The following RIPOR2 variants were observed in gnomAD, a reference collection of about 807,000 sequenced individuals.
The protein encoded by RIPOR2 is RHO family interacting cell polarization regulator 2.
RIPOR2 carries 39 observed loss-of-function variants against 114.5 expected under a neutral mutation model. The ratio of observed to expected loss-of-function variants is 0.34; its 90% CI spans 0.26 to 0.44. RIPOR2 has a LOEUF of 0.44. Among genes scored for constraint, RIPOR2 ranks in the 20% least tolerant of loss-of-function variants. The pLI is 1.00. For synonymous variants in RIPOR2, 445 were observed against 484.4 expected (o/e 0.92, Z 1.07); for missense variants, 1,007 against 1,255.1 (o/e 0.80, Z 2.99).
chr6:24,808,315 T>C (rs759058687), intron 21 of RIPOR2, among the ~76,000 whole-genome samples: 3 of 152,246 alleles, frequency 2.0e-5, no homozygotes, highest in Non-Finnish European at 4.4e-5. Flanking sequence ...GGCTATGCTT[T>C]ATAAGCGCCT....
At chr6:24,821,806 C>A (rs1759725514) in intron 19 of RIPOR2, among the ~76,000 whole-genome samples, 1 of 152,194 alleles carries the variant, frequency 6.6e-6, no homozygotes, top group Non-Finnish European at 1.5e-5. Context: ...CCAAAGCTAC[C>A]ATTTCCAGAG....
At chr6:24,846,217 T>C (rs1355460009) in intron 12 of RIPOR2, among the ~76,000 whole-genome samples, 3 of 152,112 alleles carry the variant, frequency 2.0e-5, no homozygotes, top group Non-Finnish European at 4.4e-5. Context: ...TTTTGGTTCA[T>C]GTTTTCATGT....
At chr6:24,872,789 T>C in intron 4 of RIPOR2, 92 bp downstream of exon 4, 1 of 828,460 alleles carries the variant, frequency 1.2e-6, no homozygotes, top group Admixed American at 1.9e-5. Flanking sequence ...GATCTGCTTT[T>C]CTCAAACATT....
At chr6:24,828,335 T>C in intron 17 of RIPOR2, 40 bp from the exon 18 acceptor site, 2 of 1,264,888 alleles carry the variant, frequency 1.6e-6, no homozygotes, top group Middle Eastern at 1.9e-4. Context: ...TTTAGATAGA[T>C]GACCATTCAT....
At position 24,921,660 on chromosome 6, in the gene RIPOR2, G is replaced by A. The variant is rs6932439; in HGVS notation, c.61+14178C>T. ...TCCCATAACACTTATCGCCCCCCCC[G>A]ACCCTGATGTACTGTATTTTTATAG... On this transcript the variant is annotated intron_variant, in intron 1 of 21. Transcript: ENST00000643898. Among the ~76,000 whole-genome samples the A allele has an allele frequency of 6.2e-4, 77 of 125,052 alleles. 1 individual carries two copies. Among genetic ancestry groups the A allele is most frequent in the Non-Finnish European group, 9.8e-4 (55 of 56,178 alleles). 82.0% of individuals were successfully genotyped at this position (125,052 alleles called of 152,430 possible).
chr6:25,008,719 G>C (rs774003994), intron 1 of RIPOR2, among the ~76,000 whole-genome samples: 1 of 152,214 alleles, frequency 6.6e-6, no homozygotes, highest in Non-Finnish European at 1.5e-5. Context: ...AAAGAAAGTG[G>C]CCTCTCTGAC....
chr6:24,854,034 G>A (rs1464610592), intron 8 of RIPOR2, among the ~76,000 whole-genome samples: 1 of 151,338 alleles, frequency 6.6e-6, no homozygotes, highest in Admixed American at 6.6e-5. Flanking sequence ...TGGGAGGATC[G>A]CTTGAGCCCA....
chr6:24,886,471 T>A (rs376440496), intron 1 of RIPOR2, among the ~76,000 whole-genome samples: 2 of 152,240 alleles, frequency 1.3e-5, no homozygotes, highest in Non-Finnish European at 2.9e-5. Flanking sequence ...CAGGATCAGA[T>A]GCTCCCTGTT....
At chr6:24,950,979 A>G (rs1183858420) in intron 1 of RIPOR2, among the ~76,000 whole-genome samples, 3 of 152,256 alleles carry the variant, frequency 2.0e-5, no homozygotes, top group Non-Finnish European at 4.4e-5. Flanking sequence ...GCGACATCCT[A>G]GAAGACAAAG....
intron 13 of RIPOR2, 86 bp from the exon 14 acceptor site, chr6:24,839,358 C>CTA: frequency 7.9e-7 from 1 of 1,273,142 alleles, no homozygotes; most frequent in Non-Finnish European, 1.0e-6. Flanking sequence ...AGATGCCACA[C>CTA]TTTTTTTTTT....
Position 24,935,820 on chromosome 6 carries a change from C to T in RIPOR2, c.61+18G>A. On this transcript the variant is annotated intron_variant, in intron 1 of 21. Coordinates refer to ENST00000643898, the MANE Select transcript of RIPOR2 (RefSeq NM_001286445.3). ...GCAAAGCAGACCGGAGAGCCTCCTG[C>T]CAGAAAGATGCATTTACCTTCACCA... The T allele has an allele frequency of 6.5e-7, 1 of 1,528,262 alleles. No individual in the cohort carries two copies. The highest frequency in any genetic ancestry group is 8.8e-7 in the Non-Finnish European group (1 of 1,140,310). 94.7% of individuals were successfully genotyped at this position (1,528,262 alleles called of 1,614,324 possible).
chr6:24,886,848 T>C (rs1396875496), intron 1 of RIPOR2, among the ~76,000 whole-genome samples: 1 of 152,252 alleles, frequency 6.6e-6, no homozygotes, highest in Non-Finnish European at 1.5e-5. Flanking sequence ...TATGCAAATA[T>C]CTTGCTTCTT....
intron 1 of RIPOR2, among the ~76,000 whole-genome samples, chr6:24,920,336 A>G (rs1361110036): frequency 6.6e-6 from 1 of 152,262 alleles, no homozygotes; most frequent in Non-Finnish European, 1.5e-5. Flanking sequence ...CACCAAATGC[A>G]GGAGAGCATG....
chr6:24,844,215 T>C (rs10946731), intron 12 of RIPOR2, among the ~76,000 whole-genome samples: 124,090 of 152,152 alleles, frequency 0.82, 51,264 homozygotes, highest in East Asian at 0.96. Flanking sequence ...GCTCTCAGGC[T>C]GCCTAGAAAC....
At chr6:24,956,181 CAT>C (rs777403908) in intron 1 of RIPOR2, among the ~76,000 whole-genome samples, 76 of 152,234 alleles carry the variant, frequency 5.0e-4, no homozygotes, top group Non-Finnish European at 7.2e-4. Context: ...TTTTTCCACA[CAT>C]GATTGTGTGT....
chr6:24,995,637 T>C (rs144379673), intron 1 of RIPOR2, among the ~76,000 whole-genome samples: 35 of 152,318 alleles, frequency 2.3e-4, no homozygotes, highest in African/African-American at 7.9e-4. Flanking sequence ...GAATACAACA[T>C]ACAAGGTACC....
At chr6:24,937,466 A>G (rs374451047), upstream of RIPOR2, among the ~76,000 whole-genome samples, 21 of 152,200 alleles carry the variant, frequency 1.4e-4, no homozygotes, top group East Asian at 2.7e-3. Flanking sequence ...TCTCCTTTGC[A>G]TCTCCCCTTT....
intron 1 of RIPOR2, among the ~76,000 whole-genome samples, chr6:24,967,491 G>A (rs12664326): frequency 1.3e-5 from 2 of 152,130 alleles, no homozygotes; most frequent in East Asian, 3.9e-4. Context: ...GAGCTGGCAA[G>A]GGTGATCAAG....
At chr6:24,887,141 C>T (rs540242312) in intron 1 of RIPOR2, among the ~76,000 whole-genome samples, 5 of 152,308 alleles carry the variant, frequency 3.3e-5, no homozygotes, top group East Asian at 1.9e-4. Flanking sequence ...TCTCACATTG[C>T]GAACCTCAAA....
Sources: allele counts gnomAD v4.1 joint callset (sites outside exome capture counted in the v4.1 genomes callset), GRCh38; gene constraint gnomAD v4.1.1; transcripts MANE v1.5; gene names NCBI Gene and HGNC (gene_info 2026-07-23, HGNC 2026-07-21).